The following SLC16A7 variants were observed in gnomAD, a reference collection of about 807,000 sequenced individuals.
SLC16A7 encodes monocarboxylate transporter 2.
In SLC16A7, 33 loss-of-function variants were observed where a neutral mutation model predicts 34.9. The ratio of observed to expected loss-of-function variants is 0.94; its 90% CI spans 0.72 to 1.26. SLC16A7 has a LOEUF of 1.26. SLC16A7 is among the 50% of genes most tolerant of loss of function. SLC16A7 has a pLI of 0.00. For missense variants in SLC16A7, 573 were observed against 578.1 expected (o/e 0.99, Z 0.09); for synonymous variants, 201 against 206.6 (o/e 0.97, Z 0.23).
intron 1 of SLC16A7, among the ~76,000 whole-genome samples, chr12:59,612,869 T>G (rs996856570): frequency 1.3e-5 from 2 of 152,216 alleles, no homozygotes; most frequent in African/African-American, 4.8e-5. Context: ...ACTATCAGTA[T>G]TTTGGTCAAG....
intron 2 of SLC16A7, among the ~76,000 whole-genome samples, chr12:59,695,312 G>C (rs187358368): frequency 1.4e-4 from 21 of 151,846 alleles, no homozygotes; most frequent in Admixed American, 5.3e-4. Flanking sequence ...GGATGAGCTG[G>C]TTACTTGTGG....
Position 59,655,177 on chromosome 12 carries a change from T to C in SLC16A7, c.-104T>C. ...GAGTCAATCTTAAGATGTGATACTT[T>C]CCTGTGAAACCTGAAACAAGGTGAT... On this transcript the variant is annotated 5_prime_UTR_variant, in exon 2 of 6. Transcript: ENST00000547379. 6.6e-6 allele frequency: 1 copy of C among 151,912 alleles called. No homozygotes were observed. The allele number at this position is 151,912 out of a possible 1,614,324, so 9.4% of individuals were successfully genotyped here.
chr12:59,748,628 G>T (rs1879160010), intron 3 of SLC16A7, among the ~76,000 whole-genome samples: 1 of 152,164 alleles, frequency 6.6e-6, no homozygotes, highest in South Asian at 2.1e-4. Flanking sequence ...TACTGTAGCT[G>T]CCTACCATTT....
At chr12:59,720,187 G>A in intron 3 of SLC16A7, 1 of 662,184 alleles carries the variant, frequency 1.5e-6, no homozygotes, top group Non-Finnish European at 2.7e-6. Context: ...GTTCCAGTTT[G>A]GAATCTTCCT....
At chr12:59,749,709 T>G (rs1201835539) in intron 3 of SLC16A7, among the ~76,000 whole-genome samples, 2 of 152,202 alleles carry the variant, frequency 1.3e-5, no homozygotes, top group African/African-American at 2.4e-5. Flanking sequence ...AATAAATTTC[T>G]GCTAGAGAGA....
chr12:59,687,293 A>C lies in SLC16A7; in HGVS notation c.-30-17479A>C, dbSNP rs1373233322. The stretch of plus-strand genomic sequence containing the variant: ...CCCTTTTCCTATTTTTGTCCCTGCT[A>C]TCCTGCTATTATGGCCTTATTGCTT... On this transcript the variant is annotated intron_variant, in intron 2 of 5. Coordinates refer to ENST00000547379, the MANE Select transcript of SLC16A7 (RefSeq NM_001270623.2). Among the ~76,000 whole-genome samples, 3 of 151,950 alleles carry C rather than the reference A, an allele frequency of 2.0e-5. No homozygotes were observed. In the South Asian group the frequency reaches 6.2e-4, roughly 31 times the overall value.
intron 2 of SLC16A7, among the ~76,000 whole-genome samples, chr12:59,668,880 C>G (rs1869434897): frequency 6.6e-6 from 1 of 152,122 alleles, no homozygotes; most frequent in African/African-American, 2.4e-5. Context: ...GTGAATAAGT[C>G]TCACAAGGTC....
chr12:59,663,844 A>G (rs1027716640), intron 2 of SLC16A7, among the ~76,000 whole-genome samples: 6 of 152,194 alleles, frequency 3.9e-5, no homozygotes, highest in Admixed American at 1.3e-4. Context: ...GAGGTTATTT[A>G]TGTTATTACC....
chr12:59,600,462 CTT>C (rs893738289), intron 1 of SLC16A7, among the ~76,000 whole-genome samples: 4 of 143,776 alleles, frequency 2.8e-5, no homozygotes, highest in African/African-American at 5.1e-5. Context: ...AATAATGGAA[CTT>C]TTTTTTTTTT....
At chr12:59,716,931 C>G (rs547438337) in intron 3 of SLC16A7, among the ~76,000 whole-genome samples, 1 of 152,054 alleles carries the variant, frequency 6.6e-6, no homozygotes, top group Non-Finnish European at 1.5e-5. Flanking sequence ...AGGAAAAAAT[C>G]GTATAGTAAG....
Position 59,727,170 on chromosome 12 carries a change from A to ATATATATATATATATATATAAAAT in SLC16A7, c.217+22152_217+22153insTATATATATATATATATATAAAAT, listed in dbSNP as rs1555174538. ...GATGGACATATATATATATATATATAATATATATATGTTGTATTTAGAAGG... is the reference window on the plus strand; with the variant it reads ...GATGGACATATATATATATATATATATATATATATATATATATATAAAATATATATATATGTTGTATTTAGAAGG... On this transcript the variant is annotated intron_variant, in intron 3 of 5. Coordinates refer to ENST00000547379, the MANE Select transcript of SLC16A7 (RefSeq NM_001270623.2). Among the ~76,000 whole-genome samples, 95 of 144,342 alleles carry ATATATATATATATATATATAAAAT rather than the reference A, an allele frequency of 6.6e-4. 1 individual carries two copies. The highest frequency in any genetic ancestry group is 2.3e-3 in the African/African-American group (87 of 37,572). The allele number at this position is 144,342 out of a possible 152,430, so 94.7% of individuals were successfully genotyped here. A position where few individuals can be genotyped will look rare whatever the true frequency, so the allele number is the denominator to read the frequency against.
intron 1 of SLC16A7, among the ~76,000 whole-genome samples, chr12:59,639,978 A>G (rs1240850483): frequency 6.6e-6 from 1 of 152,126 alleles, no homozygotes; most frequent in Non-Finnish European, 1.5e-5. Flanking sequence ...ACTCAGGTTC[A>G]ATAATTTGTT....
chr12:59,658,196 C>T (rs1868636657), intron 2 of SLC16A7, among the ~76,000 whole-genome samples: 1 of 151,874 alleles, frequency 6.6e-6, no homozygotes, highest in Non-Finnish European at 1.5e-5. Context: ...TCTCTTTTTC[C>T]TCAAATACGT....
At chr12:59,745,589 C>T (rs1387263241) in intron 3 of SLC16A7, among the ~76,000 whole-genome samples, 2 of 152,186 alleles carry the variant, frequency 1.3e-5, no homozygotes, top group African/African-American at 4.8e-5. Flanking sequence ...CATTCTACCT[C>T]AGGAGACAGA....
chr12:59,674,581 A>G (rs569400571), intron 2 of SLC16A7, among the ~76,000 whole-genome samples: 2 of 152,276 alleles, frequency 1.3e-5, no homozygotes, highest in Admixed American at 6.5e-5. Context: ...CAGCGCACCA[A>G]TGTTATATGT....
chr12:59,766,363 CTA>C (rs1398226951), intron 3 of SLC16A7, among the ~76,000 whole-genome samples: 2 of 152,128 alleles, frequency 1.3e-5, no homozygotes, highest in Non-Finnish European at 2.9e-5. Flanking sequence ...ACTTCCAACA[CTA>C]TGTTGAATAG....
intron 1 of SLC16A7, among the ~76,000 whole-genome samples, 171 bp from the exon 2 acceptor site, chr12:59,654,981 G>T (rs1183873102): frequency 6.6e-6 from 1 of 151,876 alleles, no homozygotes; most frequent in Non-Finnish European, 1.5e-5. Context: ...TATCTAAATG[G>T]TCCTTTAAAT....
intron 1 of SLC16A7, among the ~76,000 whole-genome samples, chr12:59,618,501 A>G (rs1411638772): frequency 6.6e-6 from 1 of 152,000 alleles, no homozygotes; most frequent in Admixed American, 6.6e-5. Flanking sequence ...ATTTTGGCTA[A>G]TGTTTGCCAA....
chr12:59,776,608 C>T (rs1277500597), intron 5 of SLC16A7, among the ~76,000 whole-genome samples: 1 of 152,074 alleles, frequency 6.6e-6, no homozygotes, highest in African/African-American at 2.4e-5. Flanking sequence ...TACATGACAT[C>T]AAGGAACCAT....
Sources: gnomAD v4.1 joint callset for allele counts (sites outside exome capture counted in the v4.1 genomes callset) on GRCh38, gnomAD v4.1.1 for gene constraint, MANE v1.5 for transcripts, NCBI Gene and HGNC (gene_info 2026-07-23, HGNC 2026-07-21) for gene names.